Variants in SLC6A19 observed in about 807,000 individuals in gnomAD.
The protein encoded by SLC6A19 is solute carrier family 6 member 19.
A neutral mutation model predicts 68.3 loss-of-function variants in SLC6A19; 67 were observed. The ratio of observed to expected loss-of-function variants is 0.98; its 90% confidence interval spans 0.81 to 1.20. SLC6A19 has a LOEUF of 1.20. Ranked by LOEUF, SLC6A19 falls within the 50% of genes most tolerant of loss-of-function variation. The pLI is 0.00. For synonymous variants in SLC6A19, 392 were observed against 374.9 expected, an observed-to-expected ratio of 1.05 and a Z score of -0.53; for missense variants, 813 against 851.6, an observed-to-expected ratio of 0.95 and a Z score of 0.56.
In SLC6A19 at chr5:1,212,979, C is replaced by T. The variant is rs35660067; in HGVS notation, c.664-484C>T. On this transcript the variant is annotated intron_variant, in intron 4 of 11. Coordinates refer to ENST00000304460, the MANE Select transcript of SLC6A19 (RefSeq NM_001003841.3). The surrounding 1 kb of genome is among the most constrained non-coding windows in gnomAD (Gnocchi z 5.1). ...TGCCCCCCACCACAAGCACGGCCCC[C>T]CTCCGCACCATCCCAAATACCCAGG... 0.061 allele frequency among the ~76,000 whole-genome samples: 8,963 copies of T among 146,672 alleles called. 367 individuals are homozygous for T. The highest frequency in any genetic ancestry group is 0.14 in the East Asian group (652 of 4,762).
rs770356208 is a variant in SLC6A19, at chr5:1,216,890, C to A, written c.1118C>A (p.Ala373Glu). Residue 373 changes from alanine to glutamate, a missense_variant, in exon 8 of 12, where the codon GCG becomes GAG. Ala to Glu is a moderately radical substitution (Grantham distance 107, BLOSUM62 -1). Transcript: ENST00000304460. ...MQQRCNASDPAAYAQLVFQTC... is the reference protein window; with the variant it reads ...MQQRCNASDPEAYAQLVFQTC... ...CAGCGGTGCAACGCCTCCGACCCCG[C>A]GGCCTACGCGCAGCTGGTGTTCCAG... 3.1e-6 allele frequency: 5 copies of A among 1,613,660 alleles called. No individual in the cohort carries two copies. The highest frequency in any genetic ancestry group is 2.7e-5 in the African/African-American group (2 of 75,080).
intron 1 of SLC6A19, among the ~76,000 whole-genome samples, chr5:1,203,346 C>T (rs146972620): frequency 3.3e-5 from 5 of 152,292 alleles, no homozygotes; most frequent in South Asian, 2.1e-4. Context: ...AGCCTGGGAG[C>T]GAGCAGCTTT....
chr5:1,213,860 C>G, intron 5 of SLC6A19, 93 bp from the exon 6 acceptor site: 2 of 1,589,030 alleles, frequency 1.3e-6, no homozygotes, highest in Admixed American at 1.7e-5. Flanking sequence ...CCCCAATAGC[C>G]TCGACCCTCC....
rs1746146525 is a variant in SLC6A19 at position 1,214,425 on chromosome 5, C to T, written c.887+360C>T. ...CCAGGCCCCCAGACATGTGGCGCCC[C>T]CGACGCCCTCCACGTCCCCGACCAA... On this transcript the variant is annotated intron_variant, in intron 6 of 11. Coordinates refer to ENST00000304460, the MANE Select transcript of SLC6A19 (RefSeq NM_001003841.3). The surrounding 1 kb of genome is among the most constrained non-coding windows in gnomAD (Gnocchi z 7.4). Among the ~76,000 whole-genome samples, 1 of 152,142 alleles carries T rather than the reference C, an allele frequency of 6.6e-6. No individual in the cohort carries two copies. The highest frequency in any genetic ancestry group is 1.5e-5 in the Non-Finnish European group (1 of 68,016).
At position 1,214,887 on chromosome 5, in the gene SLC6A19, G is replaced by A. The variant is rs1273024853; in HGVS notation, c.887+822G>A. The stretch of plus-strand genomic sequence containing the variant: ...AGGGAGGGTGGGCCCTGGGTGTGAG[G>A]GGCGGGGCTGGGCAGGGAGGGCATA... On this transcript the variant is annotated intron_variant, in intron 6 of 11. Coordinates refer to ENST00000304460, the MANE Select transcript of SLC6A19 (RefSeq NM_001003841.3). The surrounding 1 kb of genome is among the most constrained non-coding windows in gnomAD (Gnocchi z 7.4). Among the ~76,000 whole-genome samples the A allele has an allele frequency of 6.6e-6, 1 of 151,072 alleles. No individual in the cohort carries two copies. The highest frequency in any genetic ancestry group is 1.5e-5 in the Non-Finnish European group (1 of 67,698).
chr5:1,211,967 ATG>A (rs34946582), intron 3 of SLC6A19, among the ~76,000 whole-genome samples: 30,850 of 143,492 alleles, frequency 0.21, 3,824 homozygotes, highest in African/African-American at 0.37. Flanking sequence ...GCCTGTGTGC[ATG>A]TGTGTGTGTT....
At chr5:1,221,676 C>A (rs1330332343) in intron 11 of SLC6A19, 25 bp from the exon 12 acceptor site, 1 of 1,613,418 alleles carries the variant, frequency 6.2e-7, no homozygotes, top group Non-Finnish European at 8.5e-7. Context: ...GGGATGCCTA[C>A]TCACCCATGG....
chr5:1,203,316 C>G (rs1745766602), intron 1 of SLC6A19, among the ~76,000 whole-genome samples: 1 of 152,194 alleles, frequency 6.6e-6, no homozygotes, highest in Non-Finnish European at 1.5e-5. Flanking sequence ...CACCCAGAGA[C>G]CAGCCGCTGT....
Position 1,209,070 on chromosome 5 carries a change from C to G in SLC6A19, c.343+184C>G, listed in dbSNP as rs76678756. Among the ~76,000 whole-genome samples, 17,924 of 152,242 alleles carry G rather than the reference C, an allele frequency of 0.12. 1,381 individuals are homozygous for G. The highest frequency in any genetic ancestry group is 0.24 in the Admixed American group (3,684 of 15,296). Reference sequence around the variant, plus strand: ...GGCCTTTGGAAACTCCAGGCCACTCCTGTTCACCAGGAACCAGACAGGCCA... The same window carrying G: ...GGCCTTTGGAAACTCCAGGCCACTCGTGTTCACCAGGAACCAGACAGGCCA... On this transcript the variant is annotated intron_variant, in intron 2 of 11. Transcript: ENST00000304460. This position sits in a 1 kb window ranked among gnomAD's most constrained non-coding sequence, Gnocchi z 5.5.
chr5:1,202,551 C>G (rs1047435896), intron 1 of SLC6A19, among the ~76,000 whole-genome samples: 1 of 152,200 alleles, frequency 6.6e-6, no homozygotes, highest in Non-Finnish European at 1.5e-5. Context: ...TACCTAGGAC[C>G]CCCACACTTG....
intron 1 of SLC6A19, among the ~76,000 whole-genome samples, chr5:1,208,514 G>A (rs901229462): frequency 2.0e-5 from 3 of 152,158 alleles, no homozygotes; most frequent in African/African-American, 4.8e-5. Context: ...TCCCATAGGC[G>A]ACCTCAGCCT....
chr5:1,208,952 G>A lies in SLC6A19; in HGVS notation c.343+66G>A, dbSNP rs112140006. The A allele has an allele frequency of 1.9e-3, 2,904 of 1,552,580 alleles. 2 individuals carry two copies. The highest frequency in any genetic ancestry group is 2.3e-3 in the Non-Finnish European group (2,656 of 1,151,192). On this transcript the variant is annotated intron_variant, in intron 2 of 11. Transcript: ENST00000304460. ...CCTCTGCTGGGAAGCCGTTCCACCC[G>A]GGCCCAGGGTTCGCCTTGCCGGCCT...
In SLC6A19 at chr5:1,201,692, G is replaced by T. The variant is rs765325967; in HGVS notation, c.42G>T (p.Arg14=). The change falls in exon 1 of 12, where the codon CGG becomes CGT. Residue 14 remains arginine, a synonymous_variant. Transcript: ENST00000304460. ...TGCCCAACCCCGGCCTAGACGCCCGGATCCCGTCCCTGGCTGAGCTGGAGA... is the reference window on the plus strand; with the variant it reads ...TGCCCAACCCCGGCCTAGACGCCCGTATCCCGTCCCTGGCTGAGCTGGAGA... ...LVLPNPGLDA[R]IPSLAELETI... is the part of the protein sequence containing the mutation. The T allele has an allele frequency of 6.2e-7, 1 of 1,611,038 alleles. No homozygotes were observed. Among genetic ancestry groups the T allele is most frequent in the South Asian group, 1.1e-5 (1 of 91,046 alleles).
intron 1 of SLC6A19, among the ~76,000 whole-genome samples, chr5:1,206,504 G>T (rs1057305033): frequency 6.6e-5 from 10 of 152,184 alleles, no homozygotes; most frequent in African/African-American, 2.2e-4. Context: ...ACATGGCCCT[G>T]CTGGCTAAGG....
Position 1,214,064 on chromosome 5 carries a change from C to T in SLC6A19, c.886C>T (p.His296Tyr), listed in dbSNP as rs764170137. 1 of 1,613,824 alleles carries T rather than the reference C, an allele frequency of 6.2e-7. No homozygotes were observed. Among genetic ancestry groups the T allele is most frequent in the South Asian group, 1.1e-5 (1 of 91,088 alleles). ...LISFSSYNSV[H>Y]NNCEKDSVIV... ...CTCCTTCTCCAGCTACAACTCTGTG[C>T]AGTGAGTGCGGGTGTGGTGGGCCTC... The change falls in exon 6 of 12, where the codon CAC becomes TAC. Residue 296 changes from histidine (H) to tyrosine (Y), a missense_variant and splice_region_variant. By Grantham distance (83) the His-to-Tyr change is moderately conservative. Transcript: ENST00000304460. This position sits in a 1 kb window ranked among gnomAD's most constrained non-coding sequence, Gnocchi z 7.4.
In SLC6A19 at chr5:1,209,766, C is replaced by T. The variant is rs1478974896; in HGVS notation, c.344-678C>T. Reference sequence around the variant, plus strand: ...ATTCTCTCTGTCTCTTCCCTCTTCTCTCTCTTCCCCTATCTCCGTCTCTCC... The same window carrying T: ...ATTCTCTCTGTCTCTTCCCTCTTCTTTCTCTTCCCCTATCTCCGTCTCTCC... On this transcript the variant is annotated intron_variant, in intron 2 of 11. Transcript: ENST00000304460. This position sits in a 1 kb window ranked among gnomAD's most constrained non-coding sequence, Gnocchi z 5.5. 6.6e-6 allele frequency among the ~76,000 whole-genome samples: 1 copy of T among 151,696 alleles called. No homozygotes were observed. Among genetic ancestry groups the T allele is most frequent in the East Asian group, 1.9e-4 (1 of 5,174 alleles).
Position 1,222,547 on chromosome 5 carries a change from G to C in SLC6A19, c.*643G>C, listed in dbSNP as rs544169338. 1 of 388,946 alleles carries C rather than the reference G, an allele frequency of 2.6e-6. No individual in the cohort carries two copies. The highest frequency in any genetic ancestry group is 4.1e-5 in the Admixed American group (1 of 24,366). 24.1% of individuals were successfully genotyped at this position (388,946 alleles called of 1,614,324 possible). ...CATGTGTACGTGTGTGTATACGTGT[G>C]TTGTGTATATGTGTGTGTCTGTACC... On this transcript the variant is annotated 3_prime_UTR_variant, in exon 12 of 12. Coordinates refer to ENST00000304460, the MANE Select transcript of SLC6A19 (RefSeq NM_001003841.3).
Position 1,213,895 on chromosome 5 carries a change from C to T in SLC6A19, c.775-58C>T, listed in dbSNP as rs1579514125. 5.1e-6 allele frequency: 8 copies of T among 1,583,776 alleles called. No homozygotes were observed. The East Asian group carries it at 1.8e-4, about 35-fold the overall frequency. ...CCCGCCTCCCTGGGAGCACACCCTC[C>T]CAGGTCCCCATGGCCCCATCTGCAC... On this transcript the variant is annotated intron_variant, in intron 5 of 11. Transcript: ENST00000304460.
At chr5:1,217,331 A>G (rs1411744956) in intron 8 of SLC6A19, among the ~76,000 whole-genome samples, 1 of 152,280 alleles carries the variant, frequency 6.6e-6, no homozygotes, top group East Asian at 1.9e-4. Context: ...TGAGGCCACC[A>G]GGACAGGTTT....
Sources: allele counts gnomAD v4.1 joint callset (sites outside exome capture counted in the v4.1 genomes callset), GRCh38; gene constraint gnomAD v4.1.1; non-coding constraint Gnocchi (gnomAD v3.1); transcripts MANE v1.5; gene names NCBI Gene and HGNC (gene_info 2026-07-23, HGNC 2026-07-21).